The following PRKG1 variants were observed in gnomAD, a reference collection of about 807,000 sequenced individuals.
The protein encoded by PRKG1 is protein kinase cGMP-dependent 1.
A neutral mutation model predicts 88.1 loss-of-function variants in PRKG1; 35 were observed. The observed-to-expected ratio is 0.40, with a 90% CI of 0.30 to 0.53. PRKG1 has a LOEUF of 0.53. Among genes scored for constraint, PRKG1 ranks in the 20% least tolerant of loss-of-function variants. PRKG1 has a pLI of 0.59. For missense variants in PRKG1, 540 were observed against 839.8 expected (o/e 0.64, Z 4.41); for synonymous variants, 303 against 292.5 (o/e 1.04, Z -0.37).
chr10:51,243,509 T>C (rs983048701), intron 2 of PRKG1, among the ~76,000 whole-genome samples: 1 of 152,174 alleles, frequency 6.6e-6, no homozygotes, highest in Non-Finnish European at 1.5e-5. Context: ...TTCCCCATGT[T>C]CTTCCTCCTC....
intron 4 of PRKG1, among the ~76,000 whole-genome samples, chr10:51,843,362 G>A (rs762305364): frequency 3.9e-5 from 6 of 152,132 alleles, no homozygotes; most frequent in Non-Finnish European, 8.8e-5. Flanking sequence ...CCTCATTTGC[G>A]TTGGGGTATA....
At position 51,943,148 on chromosome 10, in the gene PRKG1, A is replaced by C. The variant is rs1304723049; in HGVS notation, c.762+35578A>C. On this transcript the variant is annotated intron_variant, in intron 5 of 17. Coordinates refer to ENST00000373980, the MANE Select transcript of PRKG1 (RefSeq NM_006258.4). ...TTTCATTGAGCAGTGGTTTGTAGTT[A>C]TCCTTGAAGAGGTCCTTCACGTCCC... 5.7e-4 allele frequency among the ~76,000 whole-genome samples: 87 copies of C among 152,050 alleles called. 1 individual carries two copies. The highest frequency in any genetic ancestry group is 3.4e-3 in the Middle Eastern group (1 of 292).
intron 2 of PRKG1, among the ~76,000 whole-genome samples, chr10:51,343,950 C>T (rs1842057057): frequency 6.6e-6 from 1 of 152,038 alleles, no homozygotes; most frequent in Non-Finnish European, 1.5e-5. Flanking sequence ...AAAGGAAAAG[C>T]CTAGATAATG....
chr10:52,158,697 C>T (rs1211261686), intron 8 of PRKG1, among the ~76,000 whole-genome samples: 3 of 151,612 alleles, frequency 2.0e-5, no homozygotes, highest in African/African-American at 7.3e-5. Context: ...ATCAGCAAGA[C>T]ACATTTGTTT....
At chr10:51,940,384 G>T (rs1311993604) in intron 5 of PRKG1, among the ~76,000 whole-genome samples, 3 of 151,780 alleles carry the variant, frequency 2.0e-5, no homozygotes, top group African/African-American at 7.3e-5. Context: ...TTCTCCAAAG[G>T]TTAATCCTGG....
chr10:51,391,668 C>T (rs1213096743), intron 2 of PRKG1, among the ~76,000 whole-genome samples: 1 of 152,196 alleles, frequency 6.6e-6, no homozygotes, highest in African/African-American at 2.4e-5. Context: ...ATAGGGCCAA[C>T]TTTGTTCCGT....
At chr10:52,272,368 T>G in intron 11 of PRKG1, 24 bp from the exon 12 acceptor site, 1 of 1,517,316 alleles carries the variant, frequency 6.6e-7, no homozygotes, top group Non-Finnish European at 9.1e-7. Flanking sequence ...TTATAATCTT[T>G]GTTTTCTTGT....
At chr10:51,061,385 C>T (rs568290880) in intron 1 of PRKG1, among the ~76,000 whole-genome samples, 7 of 152,270 alleles carry the variant, frequency 4.6e-5, no homozygotes, top group Non-Finnish European at 7.4e-5. Flanking sequence ...TCTCACAACA[C>T]GGGAATTATG....
At chr10:52,052,782 C>T (rs983839751) in intron 5 of PRKG1, among the ~76,000 whole-genome samples, 2 of 152,062 alleles carry the variant, frequency 1.3e-5, no homozygotes, top group African/African-American at 2.4e-5. Flanking sequence ...CACCAGGTCC[C>T]TCCTACAACC....
At chr10:52,178,502 T>C (rs886124994) in intron 9 of PRKG1, among the ~76,000 whole-genome samples, 2 of 152,130 alleles carry the variant, frequency 1.3e-5, no homozygotes, top group Admixed American at 1.3e-4. Flanking sequence ...GTAATATCTG[T>C]TAGGTTCATT....
intron 4 of PRKG1, among the ~76,000 whole-genome samples, chr10:51,883,338 ATCTC>A (rs1322515463): frequency 6.6e-6 from 1 of 152,182 alleles, no homozygotes. Flanking sequence ...AGTATAATAA[ATCTC>A]TCTCTCTGTC....
At chr10:52,121,446 T>G (rs1202955906) in intron 7 of PRKG1, among the ~76,000 whole-genome samples, 5 of 152,222 alleles carry the variant, frequency 3.3e-5, no homozygotes, top group Admixed American at 6.5e-5. Context: ...ATCTTTCTAT[T>G]CTGCTTCTGT....
intron 8 of PRKG1, among the ~76,000 whole-genome samples, chr10:52,142,555 A>T (rs1837610528): frequency 6.6e-6 from 1 of 152,178 alleles, no homozygotes; most frequent in African/African-American, 2.4e-5. Flanking sequence ...ATCTTTATAG[A>T]TATCTCTCAA....
chr10:51,530,128 G>C (rs1302898524), intron 3 of PRKG1, among the ~76,000 whole-genome samples: 1 of 151,968 alleles, frequency 6.6e-6, no homozygotes, highest in East Asian at 1.9e-4. Context: ...TCTATAGTTT[G>C]CATAAGAAAA....
rs189151938 is a variant in PRKG1 at position 51,993,961 on chromosome 10, G to A, written c.763-60523G>A. Among the ~76,000 whole-genome samples the A allele has an allele frequency of 3.7e-3, 567 of 152,138 alleles. 7 individuals are homozygous for A. The highest frequency in any genetic ancestry group is 0.013 in the African/African-American group (537 of 41,500). On this transcript the variant is annotated intron_variant, in intron 5 of 17. Transcript: ENST00000373980. The stretch of plus-strand genomic sequence containing the variant: ...AAAGGAGGGTCTCCTTCCTTCCTTC[G>A]GTGGCCTGAGCTAACCATCCCAGTC...
At chr10:51,404,076 C>T (rs532467683) in intron 2 of PRKG1, among the ~76,000 whole-genome samples, 44 of 152,122 alleles carry the variant, frequency 2.9e-4, no homozygotes, top group African/African-American at 1.0e-3. Context: ...AACATTAGTG[C>T]ATAGTGCTGT....
At chr10:51,580,097 A>G (rs1325571298) in intron 3 of PRKG1, among the ~76,000 whole-genome samples, 3 of 152,120 alleles carry the variant, frequency 2.0e-5, no homozygotes, top group Non-Finnish European at 2.9e-5. Context: ...TACACAAAAT[A>G]TAGTGTTTGT....
chr10:51,548,356 G>A (rs989169644), intron 3 of PRKG1, among the ~76,000 whole-genome samples: 4 of 152,042 alleles, frequency 2.6e-5, no homozygotes, highest in Non-Finnish European at 5.9e-5. Flanking sequence ...CCTTATATCT[G>A]TCTAATATAG....
chr10:51,993,748 C>A (rs998323239), intron 5 of PRKG1, among the ~76,000 whole-genome samples: 2 of 152,154 alleles, frequency 1.3e-5, no homozygotes, highest in African/African-American at 4.8e-5. Context: ...CCTCATATTG[C>A]TTCTCAGTGT....
Sources: gnomAD v4.1 joint callset for allele counts (sites outside exome capture counted in the v4.1 genomes callset) on GRCh38, gnomAD v4.1.1 for gene constraint, MANE v1.5 for transcripts, NCBI Gene and HGNC (gene_info 2026-07-23, HGNC 2026-07-21) for gene names.